The following KYAT1 variants were observed in gnomAD, a reference collection of about 807,000 sequenced individuals.
KYAT1 encodes kynurenine aminotransferase 1, also known as kynurenine--oxoglutarate transaminase 1.
Under a neutral mutation model 52.4 loss-of-function variants are expected in KYAT1, and 47 were observed. That is an observed-to-expected ratio of 0.90 (90% CI 0.71 to 1.14). The LOEUF is 1.14. Among genes scored for constraint, KYAT1 ranks in the 50% most tolerant of loss-of-function variants. KYAT1 has a pLI of 0.00. For synonymous variants in KYAT1, 212 were observed against 209.6 expected, an observed-to-expected ratio of 1.01 and a Z score of -0.10; for missense variants, 480 against 557.9, an observed-to-expected ratio of 0.86 and a Z score of 1.41.
Position 128,833,292 on chromosome 9 carries a change from G to T in KYAT1, c.*292C>A. On this transcript the variant is annotated 3_prime_UTR_variant, in exon 13 of 13. Transcript: ENST00000302586. ...GGTACATGGTGGAAGTCTACCGTCC[G>T]TCTCAGCCAAGCCTGGAGAGACCAG... 1 of 548,178 alleles carries T rather than the reference G, an allele frequency of 1.8e-6. No homozygotes were observed. The allele number at this position is 548,178 out of a possible 1,614,324, so 34.0% of individuals were successfully genotyped here.
At chr9:128,858,144 C>G (rs1834926622) in intron 1 of KYAT1, among the ~76,000 whole-genome samples, 2 of 152,134 alleles carry the variant, frequency 1.3e-5, no homozygotes, top group South Asian at 4.2e-4. Flanking sequence ...CGTCTGTAAT[C>G]CCAGCACTTT....
chr9:128,880,021 C>G (rs1838582790), intron 1 of KYAT1, among the ~76,000 whole-genome samples: 1 of 152,242 alleles, frequency 6.6e-6, no homozygotes, highest in Admixed American at 6.5e-5. Flanking sequence ...GAACCCCCTT[C>G]TGGCAACTTT....
intron 3 of KYAT1, among the ~76,000 whole-genome samples, chr9:128,841,569 C>T (rs1352860293): frequency 6.7e-6 from 1 of 150,148 alleles, no homozygotes; most frequent in Non-Finnish European, 1.5e-5. Flanking sequence ...GGGGGCGCAC[C>T]CCTATAGTCC....
At position 128,847,567 on chromosome 9, in the gene KYAT1, G is replaced by A. The variant is rs1467020475; in HGVS notation, c.-6-2156C>T. The A allele has an allele frequency of 4.1e-6, 6 of 1,463,842 alleles. No homozygotes were observed. The East Asian group carries it at 1.5e-4, about 36-fold the overall frequency. The allele number at this position is 1,463,842 out of a possible 1,614,324, so 90.7% of individuals were successfully genotyped here. Reference sequence around the variant, plus strand: ...TTGGGGCACTGCAGACTTTTCCAGAGGCAGGGGAGAAGGGAGGAAACAGCC... The same window carrying A: ...TTGGGGCACTGCAGACTTTTCCAGAAGCAGGGGAGAAGGGAGGAAACAGCC... On this transcript the variant is annotated intron_variant, in intron 1 of 12. Transcript: ENST00000302586.
intron 1 of KYAT1, chr9:128,846,593 A>T: frequency 1.0e-6 from 1 of 989,436 alleles, no homozygotes; most frequent in Non-Finnish European, 1.4e-6. Flanking sequence ...AACGAGCAAG[A>T]CTCTACCAAA....
chr9:128,835,217 C>A (rs1332761950), intron 11 of KYAT1, 106 bp downstream of exon 11: 1 of 884,048 alleles, frequency 1.1e-6, no homozygotes, highest in Non-Finnish European at 1.9e-6. Flanking sequence ...AGGTTGACGG[C>A]AGAGGCTGGA....
chr9:128,836,128 G>A, intron 7 of KYAT1, 55 bp from the exon 8 acceptor site: 1 of 1,554,192 alleles, frequency 6.4e-7, no homozygotes, highest in Non-Finnish European at 8.8e-7. Context: ...GGACGGGGGA[G>A]GATGGTGGTC....
At chr9:128,846,973 C>T (rs1833201322) in intron 1 of KYAT1, 1 of 1,003,354 alleles carries the variant, frequency 1.0e-6, no homozygotes, top group Non-Finnish European at 1.4e-6. Context: ...GATGAGGACA[C>T]TGAGGCTTGA....
chr9:128,848,580 G>C (rs1833455608), intron 1 of KYAT1, among the ~76,000 whole-genome samples: 1 of 152,140 alleles, frequency 6.6e-6, no homozygotes, highest in Admixed American at 6.5e-5. Flanking sequence ...CACTGTGGGA[G>C]GCTGAGGCGA....
At chr9:128,836,246 CTTCT>C (rs1831081353) in intron 7 of KYAT1, 173 bp from the exon 8 acceptor site, 2 of 504,664 alleles carry the variant, frequency 4.0e-6, no homozygotes, top group African/African-American at 2.0e-5. Context: ...TCCTTCCTTC[CTTCT>C]TTCTCTCTCT....
intron 1 of KYAT1, among the ~76,000 whole-genome samples, chr9:128,872,336 C>T (rs1204480497): frequency 3.3e-5 from 5 of 151,346 alleles, no homozygotes; most frequent in Admixed American, 1.3e-4. Flanking sequence ...CCCAGCTACT[C>T]GGGAGGCTGA....
chr9:128,875,411 C>T (rs1164189771), intron 1 of KYAT1, among the ~76,000 whole-genome samples: 1 of 151,576 alleles, frequency 6.6e-6, no homozygotes, highest in Non-Finnish European at 1.5e-5. Context: ...GTCAGGAGTT[C>T]GAGACCAGCC....
intron 1 of KYAT1, among the ~76,000 whole-genome samples, chr9:128,866,161 C>T (rs1836340536): frequency 6.6e-6 from 1 of 152,104 alleles, no homozygotes; most frequent in South Asian, 2.1e-4. Context: ...AAGGAGCGCA[C>T]AATCTAATCA....
intron 1 of KYAT1, among the ~76,000 whole-genome samples, chr9:128,872,626 G>GA (rs1157689254): frequency 6.6e-6 from 1 of 151,320 alleles, no homozygotes; most frequent in East Asian, 1.9e-4. Flanking sequence ...AAGTAGCTAG[G>GA]AATGGTGGCA....
intron 1 of KYAT1, among the ~76,000 whole-genome samples, chr9:128,874,117 G>A (rs1435141958): frequency 4.6e-5 from 7 of 151,450 alleles, no homozygotes; most frequent in Non-Finnish European, 7.4e-5. Context: ...TTAGCCAGGC[G>A]TGGTGGCGGG....
At chr9:128,842,385 T>C (rs1168780726) in intron 3 of KYAT1, among the ~76,000 whole-genome samples, 3 of 152,114 alleles carry the variant, frequency 2.0e-5, no homozygotes, top group Non-Finnish European at 2.9e-5. Context: ...CCAGGTTTCA[T>C]TCCCTCTTTC....
upstream of KYAT1, chr9:128,882,461 G>T: frequency 2.7e-6 from 1 of 364,492 alleles, no homozygotes; most frequent in Non-Finnish European, 4.9e-6. Context: ...CGCCGGCTCC[G>T]CGGCGCGCGA....
intron 1 of KYAT1, among the ~76,000 whole-genome samples, chr9:128,861,936 C>T (rs185538266): frequency 8.5e-5 from 13 of 152,292 alleles, no homozygotes; most frequent in African/African-American, 3.1e-4. Flanking sequence ...CTGTCCTAGA[C>T]CCAACATCTT....
At chr9:128,879,085 C>T (rs1014059717) in intron 1 of KYAT1, among the ~76,000 whole-genome samples, 4 of 152,076 alleles carry the variant, frequency 2.6e-5, no homozygotes, top group South Asian at 2.1e-4. Context: ...CCGAGGTGGG[C>T]GGATCACAAG....
Sources: allele counts gnomAD v4.1 joint callset (sites outside exome capture counted in the v4.1 genomes callset), GRCh38; gene constraint gnomAD v4.1.1; transcripts MANE v1.5; gene names NCBI Gene and HGNC (gene_info 2026-07-23, HGNC 2026-07-21).